LIAS: variants seen among roughly 807,000 people sequenced by gnomAD.
LIAS encodes the protein lipoyl synthase, mitochondrial.
A neutral mutation model predicts 49.4 loss-of-function variants in LIAS; 36 were observed. The observed-to-expected ratio is 0.73, with a 90% confidence interval of 0.56 to 0.96. The LOEUF (loss-of-function observed/expected upper bound fraction) is 0.96. Among genes scored for constraint, LIAS ranks in the 40% least tolerant of loss-of-function variants. The probability of loss-of-function intolerance (pLI) is 0.00; values close to 1 mark genes in which losing one functional copy is unlikely to be tolerated. For synonymous variants in LIAS, 145 were observed against 155.8 expected (o/e 0.93, Z 0.52); for missense variants, 399 against 456.3 (o/e 0.87, Z 1.14).
intron 2 of LIAS, 45 bp from the exon 3 acceptor site, chr4:39,462,151 T>C: frequency 1.2e-6 from 1 of 812,178 alleles, no homozygotes; most frequent in South Asian, 2.1e-5. Flanking sequence ...TGTAATTATT[T>C]GGCAGCATAT....
Position 39,465,180 on chromosome 4 carries a change from C to T in LIAS, c.528C>T (p.Val176=). 1 of 1,613,940 alleles carries T rather than the reference C, an allele frequency of 6.2e-7. No homozygotes were observed. Among genetic ancestry groups the T allele is most frequent in the Non-Finnish European group, 8.5e-7 (1 of 1,179,870 alleles). The change falls in exon 5 of 11, where the codon GTC becomes GTT. Residue 176 remains valine, a synonymous_variant. Transcript: ENST00000640888. The stretch of plus-strand genomic sequence containing the variant: ...CAGAATGGGGTCTGGATTATGTTGT[C>T]CTGACATCTGTGGATCGAGATGGTT... ...AIAEWGLDYV[V]LTSVDRDDMP... is the part of the protein sequence containing the mutation.
At chr4:39,472,750 A>G (rs1298890217) in intron 9 of LIAS, among the ~76,000 whole-genome samples, 2 of 152,258 alleles carry the variant, frequency 1.3e-5, no homozygotes, top group African/African-American at 4.8e-5. Context: ...TCTTGTCCTC[A>G]AGAATCAGAT....
rs866291718 is a variant in LIAS, at chr4:39,470,042, A to G, written c.761A>G (p.Asn254Ser). The change falls in exon 8 of 11, where the codon AAT (asparagine) becomes AGT (serine). Residue 254 changes from asparagine (N) to serine (S), a missense_variant. Around this residue, in one of 3 missense-constraint regions of LIAS, gnomAD observed 234 missense variants for 292.2 expected, o/e 0.80. Transcript: ENST00000640888. ...LQSKVRDPRA[N>S]FDQSLRVLKH... ...AGTAAGGTTCGTGATCCTCGGGCCA[A>G]TTTTGATCAGTCCCTACGTGTACTG... The G allele has an allele frequency of 8.7e-6, 14 of 1,610,252 alleles. No individual in the cohort carries two copies. The Middle Eastern group carries it at 1.7e-3, about 190-fold the overall frequency.
Position 39,459,058 on chromosome 4 carries a change from G to C in LIAS, c.-60G>C, listed in dbSNP as rs1266272832. On this transcript the variant is annotated 5_prime_UTR_variant, in exon 1 of 11. Coordinates refer to ENST00000640888, the MANE Select transcript of LIAS (RefSeq NM_006859.4). Reference sequence around the variant, plus strand: ...AAATGGAGCGACGTAATTTCGACCTGTCCTTTCCCGGGAGTTAGCGATCCC... The same window carrying C: ...AAATGGAGCGACGTAATTTCGACCTCTCCTTTCCCGGGAGTTAGCGATCCC... 1 of 1,589,548 alleles carries C rather than the reference G, an allele frequency of 6.3e-7. No individual in the cohort carries two copies. Among genetic ancestry groups the C allele is most frequent in the Non-Finnish European group, 8.6e-7 (1 of 1,157,650 alleles).
At chr4:39,476,133 A>G (rs1745186117) in intron 10 of LIAS, 1 of 152,216 alleles carries the variant, frequency 6.6e-6, no homozygotes, top group African/African-American at 2.4e-5. Flanking sequence ...TGCTAAAGAA[A>G]AATTTCTAAC....
intron 2 of LIAS, among the ~76,000 whole-genome samples, chr4:39,461,851 C>T (rs11730921): frequency 6.6e-6 from 1 of 152,202 alleles, no homozygotes; most frequent in Admixed American, 6.5e-5. Flanking sequence ...CCTGCCACCA[C>T]GCCCGGCTAA....
chr4:39,471,517 A>ATTTTTTTTT (rs766866733), intron 9 of LIAS, among the ~76,000 whole-genome samples: 8 of 74,352 alleles, frequency 1.1e-4, no homozygotes, highest in South Asian at 6.3e-4. Context: ...CATATATATA[A>ATTTTTTTTT]TTTTTTTTTT....
chr4:39,463,588 G>A lies in LIAS; in HGVS notation c.376G>A (p.Ala126Thr), dbSNP rs74528014. ...ECWGGGEYAT[A>T]TATIMLMGDT... ...TTGGGGAGGTGGAGAATATGCCACC[G>A]CCACAGCCACGATCATGGTAGGGCC... Residue 126 changes from alanine to threonine, a missense_variant, in exon 4 of 11, where the codon GCC (alanine) becomes ACC (threonine). Transcript: ENST00000640888. 1.4e-5 allele frequency: 23 copies of A among 1,611,698 alleles called. No individual in the cohort carries two copies. The highest frequency in any genetic ancestry group is 6.6e-5 in the South Asian group (6 of 90,800).
intron 10 of LIAS, 82 bp from the exon 11 acceptor site, chr4:39,476,981 C>A: frequency 1.0e-6 from 1 of 955,634 alleles, no homozygotes; most frequent in South Asian, 1.6e-5. Context: ...AGGGGGAACA[C>A]CAAAAATATA....
Position 39,478,529 on chromosome 4 carries a change from C to T in LIAS, c.*1414C>T, listed in dbSNP as rs983968752. The stretch of plus-strand genomic sequence containing the variant: ...AAAAAAAGTAAATGTTGATTTTTTA[C>T]ATTGGTGTGACTACTTCAGAACCTG... On this transcript the variant is annotated 3_prime_UTR_variant, in exon 11 of 11. Coordinates refer to ENST00000640888, the MANE Select transcript of LIAS (RefSeq NM_006859.4). The T allele has an allele frequency of 1.3e-5, 2 of 152,186 alleles. No individual in the cohort carries two copies. Among genetic ancestry groups the T allele is most frequent in the African/African-American group, 4.8e-5 (2 of 41,442 alleles). The allele number at this position is 152,186 out of a possible 1,614,324, so 9.4% of individuals were successfully genotyped here.
In LIAS at chr4:39,477,928, T is replaced by C. The variant is rs1052588716; in HGVS notation, c.*813T>C. ...CAGAGGTTGCAATGAGCTGAGGTGGTGCCACTGCTCTCCAGCCTGGGCGCT... is the reference window on the plus strand; with the variant it reads ...CAGAGGTTGCAATGAGCTGAGGTGGCGCCACTGCTCTCCAGCCTGGGCGCT... On this transcript the variant is annotated 3_prime_UTR_variant, in exon 11 of 11. Coordinates refer to ENST00000640888, the MANE Select transcript of LIAS (RefSeq NM_006859.4). 2 of 151,990 alleles carry C rather than the reference T, an allele frequency of 1.3e-5. No homozygotes were observed. Among genetic ancestry groups the C allele is most frequent in the Non-Finnish European group, 2.9e-5 (2 of 67,994 alleles). The allele number at this position is 151,990 out of a possible 1,614,324, so 9.4% of individuals were successfully genotyped here. A position where few individuals can be genotyped will look rare whatever the true frequency, so the allele number is the denominator to read the frequency against.
Position 39,467,559 on chromosome 4 carries a change from G to C in LIAS, c.650G>C (p.Arg217Pro). 6.2e-7 allele frequency: 1 copy of C among 1,607,620 alleles called. No individual in the cohort carries two copies. Among genetic ancestry groups the C allele is most frequent in the Non-Finnish European group, 8.5e-7 (1 of 1,176,934 alleles). ...GTGGAGTGTCTTACTCCTGATTTTCGAGGTGATCTCAAAGCAATAGAAAAA... is the reference window on the plus strand; with the variant it reads ...GTGGAGTGTCTTACTCCTGATTTTCCAGGTGATCTCAAAGCAATAGAAAAA... ...ILVECLTPDF[R>P]GDLKAIEKVA... Residue 217 changes from arginine to proline, a missense_variant, in exon 7 of 11, where the codon CGA (arginine) becomes CCA (proline). Physicochemically the swap from Arg to Pro is moderately radical, Grantham distance 103. Around this residue, in one of 3 missense-constraint regions of LIAS, gnomAD observed 234 missense variants for 292.2 expected, o/e 0.80. Transcript: ENST00000640888.
Position 39,459,132 on chromosome 4 carries a change from C to A in LIAS, c.15C>A (p.Cys5Ter). The change falls in exon 1 of 11, where the codon TGC becomes TGA. Residue 5 changes from cysteine to a stop codon, truncating the protein, a stop_gained. Coordinates refer to ENST00000640888, the MANE Select transcript of LIAS (RefSeq NM_006859.4). LOFTEE classifies it high-confidence loss of function. ...CTAAAGAGGAAATGTCTCTACGCTG[C>A]GGGGATGCAGCCCGCACCCTGGGGC... is the stretch of plus-strand genomic sequence containing the variant. The part of the protein sequence containing the change: MSLR[C>*]GDAARTLGPR... 1 of 1,613,946 alleles carries A rather than the reference C, an allele frequency of 6.2e-7. No homozygotes were observed. Among genetic ancestry groups the A allele is most frequent in the South Asian group, 1.1e-5 (1 of 91,088 alleles).
chr4:39,470,060 G>T lies in LIAS; in HGVS notation c.779G>T (p.Arg260Leu). 1.9e-6 allele frequency: 3 copies of T among 1,613,852 alleles called. No homozygotes were observed. Among genetic ancestry groups the T allele is most frequent in the Non-Finnish European group, 2.5e-6 (3 of 1,179,806 alleles). Residue 260 changes from arginine to leucine, a missense_variant, in exon 8 of 11, where the codon CGT becomes CTT. By Grantham distance (102) the Arg-to-Leu change is moderately radical. Transcript: ENST00000640888. ...CGGGCCAATTTTGATCAGTCCCTAC[G>T]TGTACTGAAACATGCCAAGAAGGTT... ...DPRANFDQSL[R>L]VLKHAKKVQP...
chr4:39,475,582 G>A (rs747559641), intron 10 of LIAS: 2 of 152,100 alleles, frequency 1.3e-5, no homozygotes, highest in African/African-American at 2.4e-5. Context: ...AGACATTTAA[G>A]GCCGGGTGCA....
At position 39,466,468 on chromosome 4, in the gene LIAS, T is replaced by C. The variant is rs1035528326; in HGVS notation, c.609-1050T>C. 3.3e-5 allele frequency: 5 copies of C among 152,250 alleles called. No individual in the cohort carries two copies. The South Asian group carries it at 1.0e-3, about 32-fold the overall frequency. 9.4% of individuals were successfully genotyped at this position (152,250 alleles called of 1,614,324 possible). On this transcript the variant is annotated intron_variant, in intron 6 of 10. Transcript: ENST00000640888. ...GCACAGTGGTTCACGCCTGTAGTTC[T>C]AGCACTTTGGGAGGCCAAAGCAGGA...
intron 1 of LIAS, among the ~76,000 whole-genome samples, chr4:39,459,884 C>A (rs777130073): frequency 6.6e-6 from 1 of 151,726 alleles, no homozygotes; most frequent in Non-Finnish European, 1.5e-5. Context: ...CGCTTGAACC[C>A]GCGAGGCGGA....
At chr4:39,471,514 A>T (rs1744986426) in intron 9 of LIAS, among the ~76,000 whole-genome samples, 3 of 105,784 alleles carry the variant, frequency 2.8e-5, no homozygotes, top group Non-Finnish European at 3.9e-5. Context: ...ATACATATAT[A>T]TAATTTTTTT....
In LIAS at chr4:39,465,342, G is replaced by C. The variant is rs779816522; in HGVS notation, c.608G>C (p.Arg203Thr). 1.4e-5 allele frequency: 23 copies of C among 1,606,264 alleles called. No homozygotes were observed. Among genetic ancestry groups the C allele is most frequent in the Non-Finnish European group, 2.0e-5 (23 of 1,178,142 alleles). The change falls in exon 6 of 11, where the codon AGG (arginine) becomes ACG (threonine). Residue 203 changes from arginine to threonine, a missense_variant and splice_region_variant. Transcript: ENST00000640888. The stretch of plus-strand genomic sequence containing the variant: ...AAGACCGTATCATATTTAAAGGAAA[G>C]GTACTTATTTTTGCATTTGTGTAAT... The part of the protein sequence containing the change: ...IAKTVSYLKE[R>T]NPKILVECLT...
Sources: allele counts gnomAD v4.1 joint callset (sites outside exome capture counted in the v4.1 genomes callset), GRCh38; gene constraint gnomAD v4.1.1; regional missense constraint gnomAD v4.1.1; transcripts MANE v1.5; gene names NCBI Gene and HGNC (gene_info 2026-07-23, HGNC 2026-07-21).